The following FAM186B variants were observed in gnomAD, a reference collection of about 807,000 sequenced individuals.
The protein encoded by FAM186B is protein FAM186B.
A neutral mutation model predicts 83.4 loss-of-function variants in FAM186B; 68 were observed. The observed-to-expected ratio is 0.81, with a 90% CI of 0.67 to 1.00. The LOEUF (loss-of-function observed/expected upper bound fraction) is 1.00. Among genes scored for constraint, FAM186B ranks in the 50% least tolerant of loss-of-function variants. The probability of loss-of-function intolerance (pLI) is 0.00; values close to 1 mark genes in which losing one functional copy is unlikely to be tolerated. For synonymous variants in FAM186B, 389 were observed against 422.0 expected, an observed-to-expected ratio of 0.92 and a Z score of 0.96; for missense variants, 983 against 1,099.2, an observed-to-expected ratio of 0.89 and a Z score of 1.49.
At chr12:49,620,721 G>T in the FAM186B span, among the ~76,000 whole-genome samples, 1 of 152,172 alleles carries the variant, frequency 6.6e-6, no homozygotes. Flanking sequence ...ATTTGCTGCT[G>T]TAATATAAGG....
chr12:49,587,352 A>G (rs1430373694), downstream of FAM186B, among the ~76,000 whole-genome samples: 1 of 152,076 alleles, frequency 6.6e-6, no homozygotes, highest in South Asian at 2.1e-4. Flanking sequence ...GGCCAGTGTG[A>G]AGGAAAAGCC....
Position 49,588,536 on chromosome 12 carries a change from G to T in FAM186B, c.2452C>A (p.Arg818=). Residue 818 remains arginine, a synonymous_variant, in exon 6 of 7, where the codon CGG becomes AGG. Coordinates refer to ENST00000257894, the MANE Select transcript of FAM186B (RefSeq NM_032130.3). ...KKCKLPAASP[R]HIRPSGPTYK... is the part of the protein sequence containing the mutation. ...GTGGGGCCACTGGGGCGGATGTGCCGGGGTGAGGCTGCAGGCAACTTGCAT... is the reference window on the plus strand; with the variant it reads ...GTGGGGCCACTGGGGCGGATGTGCCTGGGTGAGGCTGCAGGCAACTTGCAT... The T allele has an allele frequency of 6.2e-7, 1 of 1,613,144 alleles. No homozygotes were observed. Among genetic ancestry groups the T allele is most frequent in the East Asian group, 2.2e-5 (1 of 44,848 alleles).
At chr12:49,608,601 T>C (rs1592559741), upstream of FAM186B, among the ~76,000 whole-genome samples, 1 of 151,486 alleles carries the variant, frequency 6.6e-6, no homozygotes, top group Non-Finnish European at 1.5e-5. Context: ...AAAGATCAAC[T>C]CTGTGGGCTT....
At chr12:49,605,651 C>A (rs759424435), upstream of FAM186B, 36 of 584,670 alleles carry the variant, frequency 6.2e-5, no homozygotes, top group Non-Finnish European at 9.7e-5. Context: ...ATCCTCTTTT[C>A]CCCAGTGACA....
chr12:49,614,270 C>T, the FAM186B span, among the ~76,000 whole-genome samples: 8 of 152,198 alleles, frequency 5.3e-5, no homozygotes, highest in African/African-American at 1.9e-4. Context: ...TACATGCACT[C>T]ATATCCATCA....
chr12:49,606,528 A>C (rs968825502), upstream of FAM186B, among the ~76,000 whole-genome samples: 9 of 128,128 alleles, frequency 7.0e-5, no homozygotes, highest in Non-Finnish European at 1.2e-4. Flanking sequence ...CACACACACA[A>C]ACATACAGAG....
At chr12:49,592,478 T>A (rs948112537) in intron 5 of FAM186B, among the ~76,000 whole-genome samples, 89 of 148,192 alleles carry the variant, frequency 6.0e-4, no homozygotes, top group Middle Eastern at 7.6e-3. Context: ...TCTCAAAAAA[T>A]AATAATAATA....
Position 49,587,625 on chromosome 12 carries a change from G to A in FAM186B, c.2662C>T (p.Leu888=). The change falls in exon 7 of 7, where the codon CTG becomes TTG. Residue 888 remains leucine, a synonymous_variant. Transcript: ENST00000257894. ...QLRGHPDIPR[L]LTLDV The stretch of plus-strand genomic sequence containing the variant: ...GAGGACTACACGTCCAGTGTCAACA[G>A]CCGGGGAATATCTGGGTGTCCCCTC... The A allele has an allele frequency of 1.2e-6, 2 of 1,613,494 alleles. No homozygotes were observed. Among genetic ancestry groups the A allele is most frequent in the Non-Finnish European group, 8.5e-7 (1 of 1,180,000 alleles).
Position 49,593,506 on chromosome 12 carries a change from C to T in FAM186B, c.2365-4883G>A, listed in dbSNP as rs111488009. On this transcript the variant is annotated intron_variant, in intron 5 of 6. Transcript: ENST00000257894. ...AAAATTAGCCAGGTGTGGTGGCAGG[C>T]ATTTGTAATCCCAGCTACTCGGGAG... Among the ~76,000 whole-genome samples, 492 of 151,250 alleles carry T rather than the reference C, an allele frequency of 3.3e-3. 4 individuals carry two copies. Among genetic ancestry groups the T allele is most frequent in the African/African-American group, 0.011 (464 of 41,122 alleles).
downstream of FAM186B, among the ~76,000 whole-genome samples, chr12:49,587,054 A>C (rs892103084): frequency 6.6e-6 from 1 of 152,220 alleles, no homozygotes; most frequent in African/African-American, 2.4e-5. Flanking sequence ...TTGAGCCTCC[A>C]GTAGTGACAT....
At chr12:49,616,537 A>G in the FAM186B span, among the ~76,000 whole-genome samples, 4 of 152,258 alleles carry the variant, frequency 2.6e-5, no homozygotes, top group East Asian at 7.7e-4. Context: ...ACCACTTCAC[A>G]TGACAAAGGA....
chr12:49,601,157 A>G (rs890453886), intron 3 of FAM186B, 23 bp from the exon 4 acceptor site: 1 of 1,520,934 alleles, frequency 6.6e-7, no homozygotes, highest in Non-Finnish European at 8.8e-7. Flanking sequence ...GAGAGAAAAA[A>G]GTCAACGATT....
Position 49,600,819 on chromosome 12 carries a change from CT to C in FAM186B, c.820del (p.Ser274AlafsTer21). ...LQMQATKELS[S>X]QRLHFQQFME... ...GAACTGCTGGAAGTGCAGCCTCTGG[CT>C]GCTGAGCTCTTTGGTCGCCTGCATT... On this transcript the variant is annotated frameshift_variant, in exon 4 of 7. Coordinates refer to ENST00000257894, the MANE Select transcript of FAM186B (RefSeq NM_032130.3). LOFTEE classifies it high-confidence loss of function. This position sits in a 1 kb window ranked among gnomAD's most constrained non-coding sequence, Gnocchi z 4.3. The C allele has an allele frequency of 6.2e-7, 1 of 1,612,058 alleles. No homozygotes were observed. The highest frequency in any genetic ancestry group is 8.5e-7 in the Non-Finnish European group (1 of 1,179,132).
chr12:49,594,176 G>T, intron 5 of FAM186B: 2 of 278,936 alleles, frequency 7.2e-6, no homozygotes, highest in South Asian at 5.2e-5. Flanking sequence ...ATAAAATCCA[G>T]GGATCCAATC....
rs201041491 is a variant in FAM186B, at chr12:49,599,773, G to A, written c.1867C>T (p.Arg623Cys). 67 of 1,614,024 alleles carry A rather than the reference G, an allele frequency of 4.2e-5. No individual in the cohort carries two copies. The Admixed American group carries it at 7.3e-4, about 18-fold the overall frequency. The part of the protein sequence containing the change: ...SVEFTYRPRT[R>C]RVPTKPKKSA... ...TTCTTGGGCTTTGTGGGAACTCGGCGGGTCCGTGGTCTGTAGGTAAACTCC... is the reference window on the plus strand; with the variant it reads ...TTCTTGGGCTTTGTGGGAACTCGGCAGGTCCGTGGTCTGTAGGTAAACTCC... The change falls in exon 4 of 7, where the codon CGC (arginine) becomes TGC (cysteine). Residue 623 changes from arginine to cysteine, a missense_variant. Coordinates refer to ENST00000257894, the MANE Select transcript of FAM186B (RefSeq NM_032130.3).
chr12:49,594,375 G>A (rs1939662442), intron 5 of FAM186B: 1 of 156,110 alleles, frequency 6.4e-6, no homozygotes, highest in Non-Finnish European at 1.4e-5. Flanking sequence ...ATCCTTGGGG[G>A]ATACATTTCA....
the FAM186B span, chr12:49,619,566 T>C: frequency 4.3e-6 from 3 of 693,070 alleles, no homozygotes; most frequent in Non-Finnish European, 8.1e-6. Context: ...ACTGTTGGTA[T>C]GGGCTATCAT....
upstream of FAM186B, among the ~76,000 whole-genome samples, chr12:49,606,768 A>G (rs948573334): frequency 1.3e-5 from 2 of 152,158 alleles, no homozygotes; most frequent in African/African-American, 4.8e-5. Flanking sequence ...AAATACTATC[A>G]ACCAACTTGA....
chr12:49,605,297 T>G lies in FAM186B; in HGVS notation c.96+85A>C, dbSNP rs1315147853. ...CCCAGGGCCTCTGAGGACCCAGAGCTGGAATCTCACTCAAACCTGGGATCA... is the reference window on the plus strand; with the variant it reads ...CCCAGGGCCTCTGAGGACCCAGAGCGGGAATCTCACTCAAACCTGGGATCA... On this transcript the variant is annotated intron_variant, in intron 1 of 6. Coordinates refer to ENST00000257894, the MANE Select transcript of FAM186B (RefSeq NM_032130.3). 1.9e-6 allele frequency: 3 copies of G among 1,554,060 alleles called. No individual in the cohort carries two copies. In the Admixed American group the frequency reaches 5.9e-5, roughly 30 times the overall value.
Sources: allele counts gnomAD v4.1 joint callset (sites outside exome capture counted in the v4.1 genomes callset), GRCh38; gene constraint gnomAD v4.1.1; non-coding constraint Gnocchi (gnomAD v3.1); transcripts MANE v1.5; gene names NCBI Gene and HGNC (gene_info 2026-07-23, HGNC 2026-07-21).